Variants in TMEM182 observed in about 807,000 individuals in gnomAD.
The protein encoded by TMEM182 is transmembrane protein 182.
In TMEM182, 20 loss-of-function variants were observed where a neutral mutation model predicts 26.8. The ratio of observed to expected loss-of-function variants is 0.75; its 90% CI spans 0.53 to 1.09. The LOEUF is 1.09. Ranked by LOEUF, TMEM182 falls within the 50% of genes least tolerant of loss-of-function variation. The pLI is 0.00. For synonymous variants in TMEM182, 109 were observed against 102.2 expected (o/e 1.07, Z -0.40); for missense variants, 277 against 275.5 (o/e 1.01, Z -0.04).
intron 3 of TMEM182, among the ~76,000 whole-genome samples, chr2:102,822,694 G>A (rs1307377996): frequency 1.3e-5 from 2 of 152,124 alleles, no homozygotes; most frequent in African/African-American, 2.4e-5. Context: ...CTGAAGACCC[G>A]GGAAAACAAG....
intron 3 of TMEM182, among the ~76,000 whole-genome samples, chr2:102,795,602 G>A (rs1024118252): frequency 2.0e-5 from 3 of 152,110 alleles, no homozygotes; most frequent in Non-Finnish European, 4.4e-5. Context: ...GAACCTGGAC[G>A]GTCTTCAAAC....
rs928929947 is a variant in TMEM182 at position 102,817,091 on chromosome 2, G to T, written c.*2123G>T. 5.6e-5 allele frequency: 55 copies of T among 985,294 alleles called. No individual in the cohort carries two copies. The highest frequency in any genetic ancestry group is 6.4e-5 in the Non-Finnish European group (53 of 829,934). 61.0% of individuals were successfully genotyped at this position (985,294 alleles called of 1,614,324 possible). A position where few individuals can be genotyped will look rare whatever the true frequency, so the allele number is the denominator to read the frequency against. On this transcript the variant is annotated 3_prime_UTR_variant, in exon 5 of 5. Transcript: ENST00000412401. ...AGCACATTTCTTGATCAATTTACCA[G>T]CAACCCTCTGAAGGAATGAAGGAGA...
chr2:102,762,728 T>C (rs1425965419), intron 2 of TMEM182, 42 bp downstream of exon 2: 2 of 1,544,080 alleles, frequency 1.3e-6, no homozygotes, highest in Admixed American at 3.4e-5. Context: ...GTCTGTAAAA[T>C]AAAAATGAAC....
Position 102,815,534 on chromosome 2 carries a change from G to A in TMEM182, c.*566G>A. On this transcript the variant is annotated 3_prime_UTR_variant, in exon 5 of 5. Coordinates refer to ENST00000412401, the MANE Select transcript of TMEM182 (RefSeq NM_144632.5). ...AGTTAAAATGGGCCACAACAAACAAGACTGAGAGCATGTACTTATCTTGCT... is the reference window on the plus strand; with the variant it reads ...AGTTAAAATGGGCCACAACAAACAAAACTGAGAGCATGTACTTATCTTGCT... 1.0e-6 allele frequency: 1 copy of A among 985,724 alleles called. No individual in the cohort carries two copies. Among genetic ancestry groups the A allele is most frequent in the Non-Finnish European group, 1.2e-6 (1 of 830,166 alleles). The allele number at this position is 985,724 out of a possible 1,614,324, so 61.1% of individuals were successfully genotyped here. A position where few individuals can be genotyped will look rare whatever the true frequency, so the allele number is the denominator to read the frequency against.
chr2:102,793,210 A>T (rs1573541219), intron 3 of TMEM182, among the ~76,000 whole-genome samples: 4 of 152,196 alleles, frequency 2.6e-5, no homozygotes, highest in Admixed American at 2.6e-4. Flanking sequence ...TTCAGAAGGC[A>T]TGGGTCAGAG....
chr2:102,834,025 T>C (rs1206280590), intron 3 of TMEM182, among the ~76,000 whole-genome samples: 2 of 152,260 alleles, frequency 1.3e-5, no homozygotes, highest in African/African-American at 4.8e-5. Context: ...GGAACCTAGA[T>C]AACCTTATGT....
downstream of TMEM182, among the ~76,000 whole-genome samples, chr2:102,818,750 C>CTATCTATCTATCTATCTATG (rs1275649071): frequency 1.5e-5 from 2 of 134,770 alleles, no homozygotes; most frequent in Non-Finnish European, 3.2e-5. Context: ...TTAATCCTAT[C>CTATCTATCTATCTATCTATG]TATCTATCTA....
At chr2:102,830,116 C>T (rs1180633681) in intron 3 of TMEM182, among the ~76,000 whole-genome samples, 3 of 152,216 alleles carry the variant, frequency 2.0e-5, no homozygotes, top group African/African-American at 7.2e-5. Flanking sequence ...TATGTGATTT[C>T]TCATTGGCCT....
Position 102,762,588 on chromosome 2 carries a change from T to C in TMEM182, c.134T>C (p.Ile45Thr), listed in dbSNP as rs1680257775. 1.2e-6 allele frequency: 2 copies of C among 1,613,524 alleles called. No homozygotes were observed. Among genetic ancestry groups the C allele is most frequent in the Middle Eastern group, 1.7e-4 (1 of 6,050 alleles). Residue 45 changes from isoleucine to threonine, a missense_variant and splice_region_variant, in exon 2 of 5, where the codon ATA becomes ACA. Physicochemically the swap from Ile to Thr is moderately conservative, Grantham distance 89. Coordinates refer to ENST00000412401, the MANE Select transcript of TMEM182 (RefSeq NM_144632.5). ...EVGRCSGEKN[I>T]ENVTFHHEGF... ...GTTACTTCATTTTGTTCTGTGCAGA[T>C]AGAGAACGTCACTTTTCACCATGAA...
At chr2:102,769,995 A>C (rs997748469) in intron 3 of TMEM182, among the ~76,000 whole-genome samples, 4 of 152,194 alleles carry the variant, frequency 2.6e-5, no homozygotes, top group Non-Finnish European at 5.9e-5. Context: ...TTTTCCTGAA[A>C]GTCATTAATT....
chr2:102,739,619 C>T (rs1352757363), intron 1 of TMEM182, among the ~76,000 whole-genome samples: 1 of 152,160 alleles, frequency 6.6e-6, no homozygotes, highest in Non-Finnish European at 1.5e-5. Flanking sequence ...GCTCCTGCTC[C>T]TGCCACGTGA....
At chr2:102,746,183 T>G (rs946578154) in intron 1 of TMEM182, among the ~76,000 whole-genome samples, 2 of 152,226 alleles carry the variant, frequency 1.3e-5, no homozygotes, top group Non-Finnish European at 2.9e-5. Flanking sequence ...ATTTCTCTGA[T>G]GGCTAATGAT....
chr2:102,819,694 G>A (rs139005735), downstream of TMEM182, among the ~76,000 whole-genome samples: 208 of 152,264 alleles, frequency 1.4e-3, 1 homozygote, highest in Non-Finnish European at 2.1e-3. Flanking sequence ...ACATGAACGC[G>A]TAGAAGAAAT....
intron 4 of TMEM182, among the ~76,000 whole-genome samples, chr2:102,800,688 A>G (rs1682084510): frequency 1.3e-5 from 2 of 151,346 alleles, no homozygotes; most frequent in South Asian, 4.2e-4. Flanking sequence ...GTTTTTCAAT[A>G]GAGGGAACAT....
chr2:102,772,013 G>A (rs1326746294), intron 3 of TMEM182, among the ~76,000 whole-genome samples: 1 of 152,166 alleles, frequency 6.6e-6, no homozygotes, highest in East Asian at 1.9e-4. Flanking sequence ...CCCAGGCCCA[G>A]GATCTTCTTT....
intron 3 of TMEM182, among the ~76,000 whole-genome samples, chr2:102,793,102 A>C (rs1250638751): frequency 1.3e-5 from 2 of 152,196 alleles, no homozygotes; most frequent in East Asian, 3.9e-4. Context: ...TCAGTGCCTC[A>C]TGTGAGCTTC....
In TMEM182 at chr2:102,840,751, T is replaced by G. The variant is rs373742727; in HGVS notation, c.326-2661T>G. ...TAGAACTCGAATAAGAGTTCTGATT[T>G]TAGGCATTCTCTGTTGGTAATCCTT... On this transcript the variant is annotated intron_variant, in intron 3 of 3. Coordinates refer to the TMEM182 transcript ENST00000486293. Among the ~76,000 whole-genome samples the G allele has an allele frequency of 7.2e-5, 11 of 152,338 alleles. No individual in the cohort carries two copies. The East Asian group carries it at 1.4e-3, about 19-fold the overall frequency.
At chr2:102,788,298 C>T (rs906070165) in intron 3 of TMEM182, among the ~76,000 whole-genome samples, 16 of 152,154 alleles carry the variant, frequency 1.1e-4, no homozygotes, top group Non-Finnish European at 1.8e-4. Context: ...TTTGGCTCTC[C>T]AAGTGGTTCT....
chr2:102,815,504 T>G lies in TMEM182; in HGVS notation c.*536T>G. 1 of 986,120 alleles carries G rather than the reference T, an allele frequency of 1.0e-6. No homozygotes were observed. Among genetic ancestry groups the G allele is most frequent in the Non-Finnish European group, 1.2e-6 (1 of 830,450 alleles). 61.1% of individuals were successfully genotyped at this position (986,120 alleles called of 1,614,324 possible). A position where few individuals can be genotyped will look rare whatever the true frequency, so the allele number is the denominator to read the frequency against. On this transcript the variant is annotated 3_prime_UTR_variant, in exon 5 of 5. Coordinates refer to ENST00000412401, the MANE Select transcript of TMEM182 (RefSeq NM_144632.5). ...GTTCTAATTAGTGGGAGCCATGTAC[T>G]CACCAGTTAAAATGGGCCACAACAA...
Sources: gnomAD v4.1 joint callset for allele counts (sites outside exome capture counted in the v4.1 genomes callset) on GRCh38, gnomAD v4.1.1 for gene constraint, MANE v1.5 for transcripts, NCBI Gene and HGNC (gene_info 2026-07-23, HGNC 2026-07-21) for gene names.